The following COG3 variants were observed in gnomAD, a reference collection of about 807,000 sequenced individuals.
COG3 encodes component of oligomeric golgi complex 3.
COG3 carries 32 observed loss-of-function variants against 114.1 expected under a neutral mutation model. That is an observed-to-expected ratio of 0.28 (90% confidence interval 0.21 to 0.38). COG3 has a LOEUF of 0.38. Ranked by LOEUF, COG3 falls within the 10% of genes least tolerant of loss-of-function variation. The pLI is 1.00. For missense variants in COG3, 813 were observed against 973.2 expected, an observed-to-expected ratio of 0.84 and a Z score of 2.19; for synonymous variants, 352 against 365.7, an observed-to-expected ratio of 0.96 and a Z score of 0.43.
At chr13:45,493,268 A>C in intron 11 of COG3, 79 bp from the exon 12 acceptor site, 1 of 1,168,810 alleles carries the variant, frequency 8.6e-7, no homozygotes. Context: ...TGACTGGAAG[A>C]AATCAATGAG....
chr13:45,469,464 G>C (rs1885341166), intron 1 of COG3, among the ~76,000 whole-genome samples: 1 of 152,162 alleles, frequency 6.6e-6, no homozygotes. Flanking sequence ...TTTATAGAAG[G>C]CAGGAAGCAT....
At chr13:45,497,945 A>G (rs1273817495) in intron 13 of COG3, among the ~76,000 whole-genome samples, 1 of 152,232 alleles carries the variant, frequency 6.6e-6, no homozygotes, top group Non-Finnish European at 1.5e-5. Flanking sequence ...CAAGAGGTTA[A>G]ATAAGCAAAA....
chr13:45,524,203 T>A (rs779776341), intron 19 of COG3, among the ~76,000 whole-genome samples: 9 of 152,236 alleles, frequency 5.9e-5, no homozygotes, highest in Non-Finnish European at 1.3e-4. Context: ...AATGAGACTT[T>A]CCCGTGAGGC....
At chr13:45,492,030 C>T (rs375668970) in intron 10 of COG3, 129 bp from the exon 11 acceptor site, 10 of 527,414 alleles carry the variant, frequency 1.9e-5, no homozygotes, top group African/African-American at 1.0e-4. Context: ...AACCATTTTC[C>T]GTTCTTCAGT....
chr13:45,478,215 G>A (rs1886011117), intron 2 of COG3, among the ~76,000 whole-genome samples: 1 of 146,250 alleles, frequency 6.8e-6, no homozygotes, highest in Non-Finnish European at 1.5e-5. Context: ...TTTTTGAGAC[G>A]GAGTCTCGCT....
At chr13:45,498,828 G>C (rs1320059098) in intron 13 of COG3, among the ~76,000 whole-genome samples, 4 of 136,598 alleles carry the variant, frequency 2.9e-5, no homozygotes, top group African/African-American at 1.1e-4. Flanking sequence ...TGGGCTCCTT[G>C]CAATGCCATA....
chr13:45,479,414 A>G lies in COG3; in HGVS notation c.383+348A>G, dbSNP rs192369615. Reference sequence around the variant, plus strand: ...GAAACATCCCTGAAAGACTTTCAGGATGGCCACTTAGGTTGGTTGTAACTA... The same window carrying G: ...GAAACATCCCTGAAAGACTTTCAGGGTGGCCACTTAGGTTGGTTGTAACTA... On this transcript the variant is annotated intron_variant, in intron 3 of 22. Transcript: ENST00000349995. Among the ~76,000 whole-genome samples, 373 of 152,282 alleles carry G rather than the reference A, an allele frequency of 2.4e-3. 1 individual carries two copies. The highest frequency in any genetic ancestry group is 4.1e-3 in the Non-Finnish European group (276 of 68,024).
At chr13:45,495,532 C>T (rs1326687392) in intron 12 of COG3, among the ~76,000 whole-genome samples, 4 of 151,900 alleles carry the variant, frequency 2.6e-5, no homozygotes, top group African/African-American at 4.8e-5. Flanking sequence ...CACACCACCA[C>T]GCCTGGCTAA....
intron 22 of COG3, 169 bp downstream of exon 22, chr13:45,530,949 G>C: frequency 1.0e-6 from 1 of 983,286 alleles, no homozygotes; most frequent in Non-Finnish European, 1.2e-6. Context: ...TCAAACTTTT[G>C]GGGGATAGTT....
Position 45,519,736 on chromosome 13 carries a change from G to C in COG3, c.2154+642G>C, listed in dbSNP as rs541976994. ...CGTTGAAGGAACGACTTTATTTGAG[G>C]ACATGCTGTGCGTCATTTCACTTAA... On this transcript the variant is annotated intron_variant, in intron 19 of 22. Transcript: ENST00000349995. 8.9e-4 allele frequency among the ~76,000 whole-genome samples: 135 copies of C among 152,258 alleles called. No individual in the cohort carries two copies. The Middle Eastern group carries it at 0.02, about 23-fold the overall frequency.
chr13:45,474,446 G>C (rs568582072), intron 1 of COG3, among the ~76,000 whole-genome samples: 1 of 152,106 alleles, frequency 6.6e-6, no homozygotes, highest in Admixed American at 6.5e-5. Context: ...ACAGGCGTGA[G>C]CCACCGTGCC....
chr13:45,531,066 G>A (rs1873127137), intron 22 of COG3: 8 of 1,016,416 alleles, frequency 7.9e-6, no homozygotes, highest in African/African-American at 6.8e-5. Flanking sequence ...TCAAATAGTG[G>A]CATTTAGCTT....
intron 14 of COG3, among the ~76,000 whole-genome samples, chr13:45,504,663 CAGT>C (rs1376186328): frequency 2.0e-5 from 3 of 152,058 alleles, no homozygotes; most frequent in Non-Finnish European, 4.4e-5. Flanking sequence ...AAGTTTGAAT[CAGT>C]AGAATTTGAT....
At chr13:45,507,486 C>T (rs1310590341) in intron 14 of COG3, among the ~76,000 whole-genome samples, 1 of 152,026 alleles carries the variant, frequency 6.6e-6, no homozygotes, top group Non-Finnish European at 1.5e-5. Context: ...AAGTACTGGC[C>T]AGGCACGGTG....
At position 45,536,430 on chromosome 13, in the gene COG3, A is replaced by G. The variant is rs1873551066; in HGVS notation, c.*1699A>G. ...TTTCTGAAACACTCAAACACCTTAC[A>G]AAGTGCTGAGTAGGTAATAGTGACC... On this transcript the variant is annotated 3_prime_UTR_variant, in exon 23 of 23. Transcript: ENST00000349995. 1 of 152,184 alleles carries G rather than the reference A, an allele frequency of 6.6e-6. No individual in the cohort carries two copies. The highest frequency in any genetic ancestry group is 2.4e-5 in the African/African-American group (1 of 41,442). 9.4% of individuals were successfully genotyped at this position (152,184 alleles called of 1,614,324 possible).
At chr13:45,495,263 C>T (rs565004778) in intron 12 of COG3, among the ~76,000 whole-genome samples, 2 of 150,416 alleles carry the variant, frequency 1.3e-5, no homozygotes, top group Admixed American at 6.6e-5. Context: ...GCTGGGATTA[C>T]AGGCATGAGC....
At chr13:45,512,372 C>A (rs1284132399) in intron 16 of COG3, among the ~76,000 whole-genome samples, 1 of 152,114 alleles carries the variant, frequency 6.6e-6, no homozygotes, top group Non-Finnish European at 1.5e-5. Context: ...TGCTTTGTCT[C>A]CCTGGCTGAA....
At chr13:45,485,404 G>A (rs1231113427) in intron 7 of COG3, among the ~76,000 whole-genome samples, 1 of 1,206 alleles carries the variant, frequency 8.3e-4, no homozygotes, top group Non-Finnish European at 1.4e-3. Context: ...GGCCGGGCGG[G>A]GGGGCTGACC....
intron 1 of COG3, among the ~76,000 whole-genome samples, chr13:45,469,261 A>G (rs1228918181): frequency 2.0e-5 from 3 of 152,216 alleles, no homozygotes; most frequent in Admixed American, 6.5e-5. Flanking sequence ...TGGAATATCT[A>G]TAGTAGTTTC....
Sources: gnomAD v4.1 joint callset for allele counts (sites outside exome capture counted in the v4.1 genomes callset) on GRCh38, gnomAD v4.1.1 for gene constraint, MANE v1.5 for transcripts, NCBI Gene and HGNC (gene_info 2026-07-23, HGNC 2026-07-21) for gene names.